The following SLIT3 variants were observed in gnomAD, a reference collection of about 807,000 sequenced individuals.
SLIT3 encodes slit guidance ligand 3.
In SLIT3, 68 loss-of-function variants were observed where a neutral mutation model predicts 184.0. The ratio of observed to expected loss-of-function variants is 0.37; its 90% CI spans 0.30 to 0.45. The LOEUF (loss-of-function observed/expected upper bound fraction) is 0.45. Among genes scored for constraint, SLIT3 ranks in the 20% least tolerant of loss-of-function variants. The probability of loss-of-function intolerance (pLI) is 1.00; values close to 1 mark genes in which losing one functional copy is unlikely to be tolerated. For missense variants in SLIT3, 1,707 were observed against 2,026.0 expected, an observed-to-expected ratio of 0.84 and a Z score of 3.02; for synonymous variants, 831 against 828.6, an observed-to-expected ratio of 1.00 and a Z score of -0.05.
chr5:169,142,380 A>G lies in SLIT3; in HGVS notation c.413+51099T>C, dbSNP rs142443483. ...TATAAATAAAGATAAGGCCCTGCCA[A>G]GCAGGGACTTGGGCAGAGTAATTGC... is the stretch of plus-strand genomic sequence containing the variant. On this transcript the variant is annotated intron_variant, in intron 4 of 35. Transcript: ENST00000519560. 9.5e-4 allele frequency among the ~76,000 whole-genome samples: 144 copies of G among 152,322 alleles called. 5 individuals carry two copies. The highest frequency in any genetic ancestry group is 3.4e-3 in the African/African-American group (140 of 41,580).
intron 4 of SLIT3, among the ~76,000 whole-genome samples, chr5:168,964,657 A>G (rs76381183): frequency 0.04 from 6,078 of 152,336 alleles, 156 homozygotes; most frequent in Middle Eastern, 0.065. Context: ...CGGGTCACCT[A>G]ATAGAATTTG....
chr5:168,912,803 C>A (rs953489862), intron 4 of SLIT3, among the ~76,000 whole-genome samples: 1 of 152,162 alleles, frequency 6.6e-6, no homozygotes, highest in Non-Finnish European at 1.5e-5. Flanking sequence ...ACATCACCAT[C>A]CTCAAACTTT....
intron 5 of SLIT3, among the ~76,000 whole-genome samples, chr5:168,858,914 T>C (rs190031630): frequency 6.6e-5 from 10 of 152,110 alleles, no homozygotes; most frequent in African/African-American, 2.2e-4. Context: ...AAGATCTACA[T>C]GTGAAATGCA....
intron 4 of SLIT3, among the ~76,000 whole-genome samples, chr5:169,001,370 A>G (rs1755697265): frequency 6.6e-6 from 1 of 152,212 alleles, no homozygotes; most frequent in Non-Finnish European, 1.5e-5. Context: ...TCTGCTTGAA[A>G]TGAAGGGAGA....
intron 9 of SLIT3, among the ~76,000 whole-genome samples, chr5:168,797,404 G>A (rs1266422658): frequency 1.3e-5 from 2 of 152,208 alleles, no homozygotes; most frequent in African/African-American, 4.8e-5. Context: ...GAAAGCCACT[G>A]TCTGTAACAA....
chr5:168,696,384 G>C lies in SLIT3; in HGVS notation c.2990C>G (p.Pro997Arg), dbSNP rs1176087335. ...GCAGTCGTTGTCCTCACAGTCATCT[G>C]GGTTGATCTCACACCGCTGCCCCTC... ...GFEGQRCEIN[P>R]DDCEDNDCEN... Residue 997 changes from proline (P) to arginine (R), a missense_variant, in exon 28 of 36, where the codon CCA (proline) becomes CGA (arginine). Around this residue, in one of 3 missense-constraint regions of SLIT3, gnomAD observed 1,307 missense variants for 1,511.6 expected, o/e 0.86. Transcript: ENST00000519560. The C allele has an allele frequency of 6.2e-7, 1 of 1,614,182 alleles. No individual in the cohort carries two copies. Among genetic ancestry groups the C allele is most frequent in the Admixed American group, 1.7e-5 (1 of 60,026 alleles).
At chr5:169,163,933 G>A (rs1214497967) in intron 4 of SLIT3, among the ~76,000 whole-genome samples, 2 of 152,088 alleles carry the variant, frequency 1.3e-5, no homozygotes, top group Admixed American at 6.5e-5. Flanking sequence ...TGATGCTTGC[G>A]GGCCCCCAGT....
intron 9 of SLIT3, among the ~76,000 whole-genome samples, chr5:168,799,000 C>T (rs560246680): frequency 6.6e-6 from 1 of 152,338 alleles, no homozygotes; most frequent in East Asian, 1.9e-4. Flanking sequence ...GACTCTCAAT[C>T]ACCAGGCTTT....
At chr5:169,109,641 C>A (rs926560511) in intron 4 of SLIT3, among the ~76,000 whole-genome samples, 10 of 152,204 alleles carry the variant, frequency 6.6e-5, no homozygotes, top group African/African-American at 2.4e-4. Context: ...TCTGGAAGAA[C>A]AAAACTAAGG....
intron 1 of SLIT3, among the ~76,000 whole-genome samples, chr5:169,268,569 A>T (rs1396896443): frequency 6.6e-6 from 1 of 152,174 alleles, no homozygotes; most frequent in Non-Finnish European, 1.5e-5. Flanking sequence ...CACAGAGCAG[A>T]CACAGCCCCC....
chr5:168,945,888 G>C (rs1562020708), intron 4 of SLIT3, among the ~76,000 whole-genome samples: 1 of 152,176 alleles, frequency 6.6e-6, no homozygotes, highest in Non-Finnish European at 1.5e-5. Context: ...CTAATCTTTG[G>C]GCTTGTGCTT....
At chr5:169,228,545 T>C (rs1270516575) in intron 3 of SLIT3, among the ~76,000 whole-genome samples, 1 of 152,216 alleles carries the variant, frequency 6.6e-6, no homozygotes, top group Non-Finnish European at 1.5e-5. Context: ...ATTTAACATG[T>C]CAATCCCCCT....
chr5:169,144,475 T>C (rs1170597976), intron 4 of SLIT3, among the ~76,000 whole-genome samples: 1 of 152,220 alleles, frequency 6.6e-6, no homozygotes, highest in Non-Finnish European at 1.5e-5. Context: ...GAGTATAAAC[T>C]CTTAAAGGCA....
chr5:168,773,910 T>C (rs914016355), intron 13 of SLIT3, among the ~76,000 whole-genome samples: 12 of 152,186 alleles, frequency 7.9e-5, no homozygotes, highest in Admixed American at 5.9e-4. Flanking sequence ...TGCTCCTTAC[T>C]AGCTGTGTGA....
At chr5:169,142,876 T>C (rs1271599096) in intron 4 of SLIT3, among the ~76,000 whole-genome samples, 1 of 152,166 alleles carries the variant, frequency 6.6e-6, no homozygotes, top group Non-Finnish European at 1.5e-5. Flanking sequence ...GTGATGGAGA[T>C]TGTTCAAATT....
intron 1 of SLIT3, among the ~76,000 whole-genome samples, chr5:169,261,831 T>C (rs1056393974): frequency 6.6e-6 from 1 of 152,206 alleles, no homozygotes; most frequent in East Asian, 1.9e-4. Flanking sequence ...TTGTGACATG[T>C]TACATGGGAC....
At chr5:169,235,494 TATATA>T (rs1203359840) in intron 3 of SLIT3, among the ~76,000 whole-genome samples, 3 of 152,248 alleles carry the variant, frequency 2.0e-5, no homozygotes, top group Non-Finnish European at 4.4e-5. Flanking sequence ...ATTAACATCT[TATATA>T]ATACAGTTGT....
chr5:168,700,661 G>T lies in SLIT3; in HGVS notation c.2863C>A (p.Pro955Thr). 1 of 1,614,030 alleles carries T rather than the reference G, an allele frequency of 6.2e-7. No individual in the cohort carries two copies. Among genetic ancestry groups the T allele is most frequent in the Non-Finnish European group, 8.5e-7 (1 of 1,179,912 alleles). Residue 955 changes from proline to threonine, a missense_variant, in exon 27 of 36, where the codon CCC becomes ACC. By Grantham distance (38) the Pro-to-Thr change is conservative. Transcript: ENST00000519560. ...YSYKGKDCTV[P>T]INTCIQNPCQ... ...GGGTTCTGGATGCAGGTGTTGATGG[G>T]CACAGTGCAGTCCTTGCCCTGAGGA...
At chr5:169,079,668 GA>G in intron 4 of SLIT3, among the ~76,000 whole-genome samples, 1 of 89,668 alleles carries the variant, frequency 1.1e-5, no homozygotes, top group African/African-American at 4.6e-5. Context: ...GAGGAGGAGG[GA>G]AGAGGAGGAG....
Sources: gnomAD v4.1 joint callset for allele counts (sites outside exome capture counted in the v4.1 genomes callset) on GRCh38, gnomAD v4.1.1 for gene constraint, gnomAD v4.1.1 regional missense constraint, MANE v1.5 for transcripts, NCBI Gene and HGNC (gene_info 2026-07-23, HGNC 2026-07-21) for gene names.